GMDS: variants seen among roughly 807,000 people sequenced by gnomAD.
The protein encoded by GMDS is GDP-mannose 4,6 dehydratase.
Under a neutral mutation model 49.9 loss-of-function variants are expected in GMDS, and 20 were observed. The observed-to-expected ratio is 0.40, with a 90% CI of 0.28 to 0.58. The LOEUF (loss-of-function observed/expected upper bound fraction) is 0.58, where lower values mean the gene tolerates loss of function less well. GMDS is among the 20% of genes least tolerant of loss of function. The probability of loss-of-function intolerance (pLI) is 0.42; values close to 1 mark genes in which losing one functional copy is unlikely to be tolerated. For synonymous variants in GMDS, 177 were observed against 178.6 expected (o/e 0.99, Z 0.07); for missense variants, 362 against 481.4 (o/e 0.75, Z 2.32).
intron 4 of GMDS, among the ~76,000 whole-genome samples, chr6:2,093,153 C>T (rs374472351): frequency 2.6e-5 from 4 of 152,154 alleles, no homozygotes; most frequent in African/African-American, 7.2e-5. Context: ...TCCAACTACA[C>T]GGACTGTGAA....
intron 4 of GMDS, among the ~76,000 whole-genome samples, chr6:2,003,294 C>T (rs1766948629): frequency 6.6e-6 from 1 of 152,086 alleles, no homozygotes; most frequent in African/African-American, 2.4e-5. Flanking sequence ...GGAATGTTAC[C>T]TTATTAATAT....
intron 7 of GMDS, among the ~76,000 whole-genome samples, chr6:1,823,292 A>T (rs1415686899): frequency 6.6e-6 from 1 of 152,206 alleles, no homozygotes; most frequent in Non-Finnish European, 1.5e-5. Context: ...TCGTGACACC[A>T]AATTAATAAG....
At chr6:2,226,413 T>C (rs1243565252) in intron 1 of GMDS, among the ~76,000 whole-genome samples, 1 of 152,176 alleles carries the variant, frequency 6.6e-6, no homozygotes, top group Admixed American at 6.5e-5. Context: ...AAGGGCAACA[T>C]TCCAACTAAA....
chr6:2,191,073 G>A lies in GMDS; in HGVS notation c.102+54248C>T, dbSNP rs1310854386. On this transcript the variant is annotated intron_variant, in intron 1 of 10. Transcript: ENST00000380815. This position sits in a 1 kb window ranked among gnomAD's most constrained non-coding sequence, Gnocchi z 4.6. ...GAAATGGGAGCAGTGCCCACTACAG[G>A]GACCCAGCCAGTGGTGCGGTCACCA... Among the ~76,000 whole-genome samples, 9 of 152,066 alleles carry A rather than the reference G, an allele frequency of 5.9e-5. No homozygotes were observed. The highest frequency in any genetic ancestry group is 5.2e-4 in the Admixed American group (8 of 15,282).
chr6:2,090,579 T>C (rs185416612), intron 4 of GMDS, among the ~76,000 whole-genome samples: 1 of 152,202 alleles, frequency 6.6e-6, no homozygotes, highest in Non-Finnish European at 1.5e-5. Context: ...ACGACCTGTT[T>C]AAAATTGCTT....
At chr6:1,922,608 A>G (rs9378662) in intron 7 of GMDS, among the ~76,000 whole-genome samples, 60,053 of 152,016 alleles carry the variant, frequency 0.4, 12,656 homozygotes, top group Non-Finnish European at 0.47. Flanking sequence ...AACTACCGAT[A>G]GCCCGTCCTG....
At chr6:1,965,226 C>G (rs1260981601) in intron 4 of GMDS, among the ~76,000 whole-genome samples, 1 of 152,048 alleles carries the variant, frequency 6.6e-6, no homozygotes, top group Non-Finnish European at 1.5e-5. Flanking sequence ...ATTTCTAGTT[C>G]TAGATCCCTG....
At chr6:2,236,867 A>T (rs1017808112) in intron 1 of GMDS, among the ~76,000 whole-genome samples, 26 of 152,242 alleles carry the variant, frequency 1.7e-4, no homozygotes, top group African/African-American at 6.3e-4. Context: ...AGCATAATAT[A>T]TATATAATAC....
intron 4 of GMDS, among the ~76,000 whole-genome samples, chr6:2,021,206 C>G (rs1300763676): frequency 1.3e-5 from 2 of 152,212 alleles, no homozygotes; most frequent in East Asian, 3.8e-4. Context: ...TGAAAAGGGC[C>G]ATTAGTGAAG....
intron 1 of GMDS, among the ~76,000 whole-genome samples, chr6:2,239,320 G>C (rs1781506405): frequency 7.5e-6 from 1 of 133,780 alleles, no homozygotes; most frequent in African/African-American, 3.1e-5. Flanking sequence ...AACAGAGTAA[G>C]ATCTGTCTCA....
intron 9 of GMDS, among the ~76,000 whole-genome samples, chr6:1,638,388 T>G (rs1489586373): frequency 6.6e-6 from 1 of 152,176 alleles, no homozygotes; most frequent in African/African-American, 2.4e-5. Context: ...TAACGTAGCT[T>G]TCTCGAAAAC....
chr6:2,113,605 T>C (rs768875451), intron 4 of GMDS, among the ~76,000 whole-genome samples: 1 of 152,070 alleles, frequency 6.6e-6, no homozygotes, highest in African/African-American at 2.4e-5. Context: ...ACTCTGTAAC[T>C]GTCCTCTCTA....
At chr6:2,138,759 T>C (rs898641564) in intron 1 of GMDS, among the ~76,000 whole-genome samples, 13 of 152,230 alleles carry the variant, frequency 8.5e-5, no homozygotes, top group African/African-American at 3.1e-4. Context: ...AGGCAATTAC[T>C]TCCATCAATT....
intron 9 of GMDS, among the ~76,000 whole-genome samples, chr6:1,675,037 A>G (rs900397693): frequency 2.0e-5 from 3 of 152,090 alleles, no homozygotes; most frequent in African/African-American, 7.2e-5. Flanking sequence ...TCCCAGGTTC[A>G]AGCGATTCTC....
intron 4 of GMDS, among the ~76,000 whole-genome samples, chr6:2,014,034 A>C (rs2127397629): frequency 6.7e-6 from 1 of 150,302 alleles, no homozygotes; most frequent in East Asian, 1.9e-4. Flanking sequence ...AAGCAAGCCA[A>C]AAGACAACTG....
rs764278675 is a variant in GMDS, at chr6:1,833,063, C to T, written c.772-90477G>A. Among the ~76,000 whole-genome samples, 15 of 150,642 alleles carry T rather than the reference C, an allele frequency of 1.0e-4. No homozygotes were observed. The highest frequency in any genetic ancestry group is 4.2e-4 in the South Asian group (2 of 4,768). ...GGCCTCTGATCACTCACACAAAGGA[C>T]GGAAAATTGCTGGCGCCGCTGGACC... On this transcript the variant is annotated intron_variant, in intron 7 of 10. Transcript: ENST00000380815. This position sits in a 1 kb window ranked among gnomAD's most constrained non-coding sequence, Gnocchi z 4.4.
Position 1,988,201 on chromosome 6 carries a change from T to A in GMDS, c.346-27235A>T, listed in dbSNP as rs57499788. ...TCACTTTTTCTAAAAACAAGGTGGT[T>A]GTGATTTAGAATCAGGTTGCCTCTA... On this transcript the variant is annotated intron_variant, in intron 4 of 10. Transcript: ENST00000380815. Among the ~76,000 whole-genome samples the A allele has an allele frequency of 8.9e-3, 1,356 of 152,308 alleles. 15 individuals carry two copies. Among genetic ancestry groups the A allele is most frequent in the African/African-American group, 0.031 (1,292 of 41,556 alleles).
chr6:2,216,277 A>G (rs1780329481), intron 1 of GMDS, among the ~76,000 whole-genome samples: 1 of 152,264 alleles, frequency 6.6e-6, no homozygotes. Flanking sequence ...TTTAAAGTTC[A>G]GAAATATGTA....
rs1419314667 is a variant in GMDS, at chr6:1,959,676, A to G, written c.643+191T>C. On this transcript the variant is annotated intron_variant, in intron 6 of 10. Coordinates refer to ENST00000380815, the MANE Select transcript of GMDS (RefSeq NM_001500.4). The stretch of plus-strand genomic sequence containing the variant: ...TTTTAATGTTAAAATTTAAAATCCC[A>G]CAAACTCAAAATAAAATTACAAAAA... 1.0e-5 allele frequency: 4 copies of G among 390,924 alleles called. No individual in the cohort carries two copies. The East Asian group carries it at 1.5e-4, about 15-fold the overall frequency. 24.2% of individuals were successfully genotyped at this position (390,924 alleles called of 1,614,324 possible). A position where few individuals can be genotyped will look rare whatever the true frequency, so the allele number is the denominator to read the frequency against.
Sources: allele counts gnomAD v4.1 joint callset (sites outside exome capture counted in the v4.1 genomes callset), GRCh38; gene constraint gnomAD v4.1.1; non-coding constraint Gnocchi (gnomAD v3.1); transcripts MANE v1.5; gene names NCBI Gene and HGNC (gene_info 2026-07-23, HGNC 2026-07-21).